Variants in RBBP5 observed in about 807,000 individuals in gnomAD.
RBBP5 encodes the protein retinoblastoma-binding protein 5.
RBBP5 carries 5 observed loss-of-function variants against 72.2 expected under a neutral mutation model. That is an observed-to-expected ratio of 0.07 (90% CI 0.04 to 0.15). The LOEUF (loss-of-function observed/expected upper bound fraction) is 0.15, where lower values mean the gene tolerates loss of function less well. RBBP5 is among the 10% of genes least tolerant of loss of function. The pLI is 1.00. For synonymous variants in RBBP5, 209 were observed against 237.2 expected (o/e 0.88, Z 1.09); for missense variants, 322 against 652.2 (o/e 0.49, Z 5.51).
Position 205,114,847 on chromosome 1 carries a change from A to G in RBBP5, c.160T>C (p.Leu54=), listed in dbSNP as rs951774330. 4.5e-6 allele frequency: 7 copies of G among 1,561,536 alleles called. No homozygotes were observed. The African/African-American group carries it at 9.5e-5, about 21-fold the overall frequency. ...ATTATTTTAGCAATGCCTCTTGTCA[A>G]GAAATCCCAGATGACAATTCGGCCA... The part of the protein sequence containing the change: ...NDGRIVIWDF[L]TRGIAKIISA... Residue 54 remains leucine, a synonymous_variant, in exon 3 of 14, where the codon TTG becomes CTG. Coordinates refer to ENST00000264515, the MANE Select transcript of RBBP5 (RefSeq NM_005057.4).
chr1:205,089,350 C>A (rs912482327), intron 13 of RBBP5, among the ~76,000 whole-genome samples: 2 of 152,140 alleles, frequency 1.3e-5, no homozygotes. Context: ...TTGCTATACA[C>A]CAACAATGAT....
At chr1:205,095,947 C>A (rs1574691015) in intron 12 of RBBP5, among the ~76,000 whole-genome samples, 1 of 152,262 alleles carries the variant, frequency 6.6e-6, no homozygotes, top group East Asian at 1.9e-4. Flanking sequence ...AATCCCAGCA[C>A]TTAGGGAGGC....
Position 205,087,023 on chromosome 1 carries a change from G to A in RBBP5, c.*1764C>T, listed in dbSNP as rs1199553300. ...AGTAGTGGCATCTAAAAATATAGAC[G>A]TTTTGCAACTGACTCAGGGAGAGCT... is the stretch of plus-strand genomic sequence containing the variant. On this transcript the variant is annotated 3_prime_UTR_variant, in exon 14 of 14. Coordinates refer to ENST00000264515, the MANE Select transcript of RBBP5 (RefSeq NM_005057.4). 3 of 152,144 alleles carry A rather than the reference G, an allele frequency of 2.0e-5. No individual in the cohort carries two copies. Among genetic ancestry groups the A allele is most frequent in the Admixed American group, 6.5e-5 (1 of 15,280 alleles). 9.4% of individuals were successfully genotyped at this position (152,144 alleles called of 1,614,324 possible). A position where few individuals can be genotyped will look rare whatever the true frequency, so the allele number is the denominator to read the frequency against.
At chr1:205,113,578 T>G (rs1310930557) in intron 3 of RBBP5, among the ~76,000 whole-genome samples, 1 of 152,230 alleles carries the variant, frequency 6.6e-6, no homozygotes, top group Middle Eastern at 3.4e-3. Flanking sequence ...AGTTCTAAAA[T>G]TATATTGTGA....
At chr1:205,113,020 G>C (rs755755770) in intron 3 of RBBP5, among the ~76,000 whole-genome samples, 1 of 152,082 alleles carries the variant, frequency 6.6e-6, no homozygotes, top group Non-Finnish European at 1.5e-5. Flanking sequence ...AGCTACGCGG[G>C]AGGATCACTT....
intron 6 of RBBP5, 35 bp downstream of exon 6, chr1:205,101,565 T>TAA: frequency 6.7e-7 from 1 of 1,503,704 alleles, no homozygotes; most frequent in Non-Finnish European, 9.2e-7. Context: ...TATTCACTCT[T>TAA]AAAACTGTCC....
At chr1:205,101,753 C>T (rs2102286704) in intron 5 of RBBP5, 44 bp from the exon 6 acceptor site, 2 of 1,363,292 alleles carry the variant, frequency 1.5e-6, no homozygotes, top group South Asian at 2.4e-5. Context: ...GTTCCAATAA[C>T]TAACAATAAT....
At chr1:205,088,863 C>T in intron 13 of RBBP5, 48 bp from the exon 14 acceptor site, 3 of 1,496,218 alleles carry the variant, frequency 2.0e-6, no homozygotes, top group Non-Finnish European at 2.7e-6. Flanking sequence ...CAATTTAGAC[C>T]AGTTACTTGT....
At position 205,121,908 on chromosome 1, in the gene RBBP5, G is replaced by C. The variant is rs1443513952; in HGVS notation, c.-35C>G. 6.2e-7 allele frequency: 1 copy of C among 1,608,258 alleles called. No homozygotes were observed. Among genetic ancestry groups the C allele is most frequent in the African/African-American group, 1.3e-5 (1 of 75,046 alleles). On this transcript the variant is annotated 5_prime_UTR_variant, in exon 1 of 14. Coordinates refer to ENST00000264515, the MANE Select transcript of RBBP5 (RefSeq NM_005057.4). ...CTGTGGCCGCCCGGTCTCAGCTCCGGCAACAACACCTTCTCCCCGGCCGGC... is the reference window on the plus strand; with the variant it reads ...CTGTGGCCGCCCGGTCTCAGCTCCGCCAACAACACCTTCTCCCCGGCCGGC...
At chr1:205,105,600 C>T (rs1020833214) in intron 3 of RBBP5, among the ~76,000 whole-genome samples, 1 of 152,168 alleles carries the variant, frequency 6.6e-6, no homozygotes, top group African/African-American at 2.4e-5. Flanking sequence ...ATTAATTCCT[C>T]CTGGTAAGTA....
intron 12 of RBBP5, among the ~76,000 whole-genome samples, chr1:205,095,581 A>AACACACACAGATGC (rs1221017642): frequency 1.7e-4 from 26 of 152,290 alleles, no homozygotes; most frequent in African/African-American, 6.3e-4. Context: ...CAGAAGAAGG[A>AACACACACAGATGC]ACACACACAG....
At chr1:205,111,086 A>C in intron 3 of RBBP5, among the ~76,000 whole-genome samples, 1 of 152,202 alleles carries the variant, frequency 6.6e-6, no homozygotes, top group East Asian at 1.9e-4. Context: ...AAAAAACAAA[A>C]AACTTTTAAA....
intron 12 of RBBP5, 61 bp from the exon 13 acceptor site, chr1:205,095,125 C>T: frequency 9.3e-6 from 14 of 1,498,676 alleles, no homozygotes; most frequent in Non-Finnish European, 1.3e-5. Context: ...ACCCCAACCA[C>T]AACTTTGTTG....
At chr1:205,093,552 A>ACACACACG (rs1553352189) in intron 13 of RBBP5, among the ~76,000 whole-genome samples, 2 of 66,318 alleles carry the variant, frequency 3.0e-5, no homozygotes, top group Non-Finnish European at 4.4e-5. Flanking sequence ...ACACACACAC[A>ACACACACG]CACACACACA....
rs1351874802 is a variant in RBBP5 at position 205,105,093 on chromosome 1, G to A, written c.294C>T (p.Gly98=). Residue 98 remains glycine (G), a synonymous_variant, in exon 4 of 14, where the codon GGC becomes GGT. Transcript: ENST00000264515. ...GGAATCGAAACCTCTGGTCACAGTCGCCTGAAAGAACATCCCACTGTGACA... is the reference window on the plus strand; with the variant it reads ...GGAATCGAAACCTCTGGTCACAGTCACCTGAAAGAACATCCCACTGTGACA... The part of the protein sequence containing the change: ...NIVSQWDVLS[G]DCDQRFRFPS... 11 of 1,613,782 alleles carry A rather than the reference G, an allele frequency of 6.8e-6. No homozygotes were observed. Among genetic ancestry groups the A allele is most frequent in the Non-Finnish European group, 8.5e-6 (10 of 1,179,974 alleles).
chr1:205,091,119 T>G (rs976281580), intron 13 of RBBP5: 4 of 152,282 alleles, frequency 2.6e-5, no homozygotes, highest in African/African-American at 9.7e-5. Flanking sequence ...CAGACCCAGG[T>G]GTGCACCAAC....
chr1:205,090,173 T>C (rs1049374301), intron 13 of RBBP5, among the ~76,000 whole-genome samples: 1 of 152,164 alleles, frequency 6.6e-6, no homozygotes, highest in Non-Finnish European at 1.5e-5. Context: ...TTTAAAAAAC[T>C]TCCTGTGATA....
chr1:205,114,214 C>A (rs1476725678), intron 3 of RBBP5, among the ~76,000 whole-genome samples: 1 of 152,178 alleles, frequency 6.6e-6, no homozygotes. Flanking sequence ...TAACCTTGAT[C>A]TGATTAGGTC....
At chr1:205,102,148 G>A (rs1480700870) in intron 5 of RBBP5, among the ~76,000 whole-genome samples, 1 of 151,922 alleles carries the variant, frequency 6.6e-6, no homozygotes, top group Admixed American at 6.6e-5. Flanking sequence ...CGCCCACCTC[G>A]GCCTCCCAAA....
Sources: allele counts gnomAD v4.1 joint callset (sites outside exome capture counted in the v4.1 genomes callset), GRCh38; gene constraint gnomAD v4.1.1; transcripts MANE v1.5; gene names NCBI Gene and HGNC (gene_info 2026-07-23, HGNC 2026-07-21).